The following PROB1 variants were observed in gnomAD, a reference collection of about 807,000 sequenced individuals.
PROB1 encodes proline rich basic protein 1.
For missense variants in PROB1, 1,453 were observed against 1,485.7 expected (o/e 0.98, Z 0.36); for synonymous variants, 660 against 699.3 (o/e 0.94, Z 0.89).
Position 139,392,639 on chromosome 5 carries a change from C to T in PROB1, c.2443G>A (p.Ala815Thr). 1 of 1,388,868 alleles carries T rather than the reference C, an allele frequency of 7.2e-7. No individual in the cohort carries two copies. Among genetic ancestry groups the T allele is most frequent in the Non-Finnish European group, 9.3e-7 (1 of 1,072,650 alleles). The allele number at this position is 1,388,868 out of a possible 1,614,324, so 86.0% of individuals were successfully genotyped here. A position where few individuals can be genotyped will look rare whatever the true frequency, so the allele number is the denominator to read the frequency against. ...QMQASPSPGI[A>T]PKPKTPPTAP... ...GTAGGTGGTGTCTTCGGTTTGGGTG[C>T]TATCCCAGGGCTCGGGCTGGCTTGC... Residue 815 changes from alanine to threonine, a missense_variant, in exon 1 of 1, where the codon GCA (alanine) becomes ACA (threonine). Transcript: ENST00000434752. The surrounding 1 kb of genome is among the most constrained non-coding windows in gnomAD (Gnocchi z 5.8).
At position 139,394,691 on chromosome 5, in the gene PROB1, C is replaced by A; in HGVS notation, c.391G>T (p.Ala131Ser). 1 of 1,533,892 alleles carries A rather than the reference C, an allele frequency of 6.5e-7. No individual in the cohort carries two copies. The highest frequency in any genetic ancestry group is 8.7e-7 in the Non-Finnish European group (1 of 1,145,142). ...GCCGGCTCCGTGAACTGTTGTTGCG[C>A]CTCGCGATCGTCTGCGCCGGAGCAG... Reference protein sequence around the residue: ...FGCSGADDREAQQQFTEPAFI... With the variant: ...FGCSGADDRESQQQFTEPAFI... Residue 131 changes from alanine (A) to serine (S), a missense_variant, in exon 1 of 1, where the codon GCG becomes TCG. Transcript: ENST00000434752.
Position 139,393,876 on chromosome 5 carries a change from C to T in PROB1, c.1206G>A (p.Gly402=), listed in dbSNP as rs1187025796. The change falls in exon 1 of 1, where the codon GGG becomes GGA. Residue 402 remains glycine (G), a synonymous_variant. Transcript: ENST00000434752. The stretch of plus-strand genomic sequence containing the variant: ...ACGGGCAGCGAGGACCCCGTACAGC[C>T]CCATTTGGAGTCTGCCGTGGCGGGG... ...SPSPPRQTPN[G]AVRGPRCPSP... The T allele has an allele frequency of 6.4e-7, 1 of 1,551,168 alleles. No individual in the cohort carries two copies. The highest frequency in any genetic ancestry group is 8.7e-7 in the Non-Finnish European group (1 of 1,147,002).
rs1372298077 is a variant in PROB1, at chr5:139,394,980, G to A, written c.102C>T (p.Tyr34=). 6.6e-6 allele frequency: 10 copies of A among 1,510,432 alleles called. No individual in the cohort carries two copies. Among genetic ancestry groups the A allele is most frequent in the Non-Finnish European group, 8.0e-6 (9 of 1,131,506 alleles). 93.6% of individuals were successfully genotyped at this position (1,510,432 alleles called of 1,614,324 possible). A position where few individuals can be genotyped will look rare whatever the true frequency, so the allele number is the denominator to read the frequency against. The change falls in exon 1 of 1, where the codon TAC becomes TAT. Residue 34 remains tyrosine (Y), a synonymous_variant. Coordinates refer to ENST00000434752, the MANE Select transcript of PROB1 (RefSeq NM_001161546.2). ...RQDSSGSSGS[Y]YTAPGSPEPP... ...GCTCCGGAGAACCTGGAGCCGTGTA[G>A]TAGGAGCCTGACGAACCGGAGGAGT...
In PROB1 at chr5:139,392,464, T is replaced by C. The variant is rs2152076483; in HGVS notation, c.2618A>G (p.Gln873Arg). 7.2e-7 allele frequency: 1 copy of C among 1,395,482 alleles called. No individual in the cohort carries two copies. The highest frequency in any genetic ancestry group is 3.0e-5 in the East Asian group (1 of 33,432). 86.4% of individuals were successfully genotyped at this position (1,395,482 alleles called of 1,614,324 possible). Residue 873 changes from glutamine (Q) to arginine (R), a missense_variant, in exon 1 of 1, where the codon CAG becomes CGG. By Grantham distance (43) the Gln-to-Arg change is conservative. Coordinates refer to ENST00000434752, the MANE Select transcript of PROB1 (RefSeq NM_001161546.2). This position sits in a 1 kb window ranked among gnomAD's most constrained non-coding sequence, Gnocchi z 5.8. ...PQSPSQGARR[Q>R]PGAAPLGKVL... ...CTTCCCCAGGGGCGCGGCCCCGGGCTGCCTGCGCGCTCCCTGGGAGGGGCT... is the reference window on the plus strand; with the variant it reads ...CTTCCCCAGGGGCGCGGCCCCGGGCCGCCTGCGCGCTCCCTGGGAGGGGCT...
Position 139,394,516 on chromosome 5 carries a change from A to G in PROB1, c.566T>C (p.Val189Ala). The G allele has an allele frequency of 1.4e-6, 2 of 1,453,102 alleles. No individual in the cohort carries two copies. The highest frequency in any genetic ancestry group is 2.7e-5 in the East Asian group (1 of 37,270). The allele number at this position is 1,453,102 out of a possible 1,614,324, so 90.0% of individuals were successfully genotyped here. A position where few individuals can be genotyped will look rare whatever the true frequency, so the allele number is the denominator to read the frequency against. Residue 189 changes from valine to alanine, a missense_variant, in exon 1 of 1, where the codon GTG becomes GCG. Val to Ala is a moderately conservative substitution (Grantham distance 64). Transcript: ENST00000434752. ...SPAAPAQFECVEVALEEGAAP... is the reference protein window; with the variant it reads ...SPAAPAQFECAEVALEEGAAP... ...GGCGCCCTCCTCCAGAGCCACCTCC[A>G]CACACTCGAACTGCGCTGGGGCGGC...
Position 139,393,582 on chromosome 5 carries a change from G to C in PROB1, c.1500C>G (p.Ala500=). The change falls in exon 1 of 1, where the codon GCC becomes GCG. Residue 500 remains alanine (A), a synonymous_variant. Transcript: ENST00000434752. ...VEPRSSPSPP[A]FFPWEAPDRP... ...GATCTGGAGCCTCCCACGGGAAGAA[G>C]GCCGGCGGGGACGGGCTGCTACGTG... 1 of 1,550,992 alleles carries C rather than the reference G, an allele frequency of 6.4e-7. No individual in the cohort carries two copies. Among genetic ancestry groups the C allele is most frequent in the Non-Finnish European group, 8.7e-7 (1 of 1,146,926 alleles).
rs950894759 is a variant in PROB1, at chr5:139,394,709, C to G, written c.373G>C (p.Gly125Arg). The G allele has an allele frequency of 2.6e-6, 4 of 1,532,828 alleles. No individual in the cohort carries two copies. Among genetic ancestry groups the G allele is most frequent in the Non-Finnish European group, 3.5e-6 (4 of 1,144,528 alleles). The allele number at this position is 1,532,828 out of a possible 1,614,324, so 95.0% of individuals were successfully genotyped here. Residue 125 changes from glycine (G) to arginine (R), a missense_variant, in exon 1 of 1, where the codon GGC (glycine) becomes CGC (arginine). Physicochemically the swap from Gly to Arg is moderately radical, Grantham distance 125. Transcript: ENST00000434752. ...FGVGPLFGCS[G>R]ADDREAQQQF... ...TGTTGCGCCTCGCGATCGTCTGCGC[C>G]GGAGCAGCCGAACAGGGGTCCGACG...
chr5:139,395,018 C>T lies in PROB1; in HGVS notation c.64G>A (p.Ala22Thr). 6.9e-7 allele frequency: 1 copy of T among 1,457,414 alleles called. No individual in the cohort carries two copies. Among genetic ancestry groups the T allele is most frequent in the Non-Finnish European group, 9.0e-7 (1 of 1,106,112 alleles). 90.3% of individuals were successfully genotyped at this position (1,457,414 alleles called of 1,614,324 possible). A position where few individuals can be genotyped will look rare whatever the true frequency, so the allele number is the denominator to read the frequency against. Residue 22 changes from alanine to threonine, a missense_variant, in exon 1 of 1, where the codon GCG becomes ACG. Physicochemically the swap from Ala to Thr is moderately conservative, Grantham distance 58. Transcript: ENST00000434752. Reference protein sequence around the residue: ...GIPRQLPTAPARRQDSSGSSG... With the variant: ...GIPRQLPTAPTRRQDSSGSSG... Reference sequence around the variant, plus strand: ...GAACCGGAGGAGTCCTGGCGCCGCGCGGGGGCCGTGGGCAGCTGCCTCGGG... The same window carrying T: ...GAACCGGAGGAGTCCTGGCGCCGCGTGGGGGCCGTGGGCAGCTGCCTCGGG...
Position 139,391,855 on chromosome 5 carries a change from G to T in PROB1, c.*179C>A. On this transcript the variant is annotated 3_prime_UTR_variant, in exon 1 of 1. Transcript: ENST00000434752. This position sits in a 1 kb window ranked among gnomAD's most constrained non-coding sequence, Gnocchi z 4.8. Reference sequence around the variant, plus strand: ...GGAAGTAGGCAGCCACTTCCTGGGTGACTCCAGCTCCACCAGCCTCGGGGC... The same window carrying T: ...GGAAGTAGGCAGCCACTTCCTGGGTTACTCCAGCTCCACCAGCCTCGGGGC... The T allele has an allele frequency of 2.1e-6, 1 of 484,848 alleles. No homozygotes were observed. The highest frequency in any genetic ancestry group is 3.3e-6 in the Non-Finnish European group (1 of 300,870). 30.0% of individuals were successfully genotyped at this position (484,848 alleles called of 1,614,324 possible).
Position 139,394,331 on chromosome 5 carries a change from C to G in PROB1, c.751G>C (p.Val251Leu), listed in dbSNP as rs888168527. The G allele has an allele frequency of 2.8e-6, 4 of 1,452,978 alleles. No homozygotes were observed. Among genetic ancestry groups the G allele is most frequent in the Non-Finnish European group, 3.6e-6 (4 of 1,106,700 alleles). 90.0% of individuals were successfully genotyped at this position (1,452,978 alleles called of 1,614,324 possible). ...LGPLQAAAGF[V>L]QTALARKLSP... ...AGTTTTCTGGCCAACGCCGTCTGCACGAAGCCCGCGGCGGCCTGCAGGGGG... is the reference window on the plus strand; with the variant it reads ...AGTTTTCTGGCCAACGCCGTCTGCAGGAAGCCCGCGGCGGCCTGCAGGGGG... Residue 251 changes from valine to leucine, a missense_variant, in exon 1 of 1, where the codon GTG (valine) becomes CTG (leucine). Val to Leu is a conservative substitution (Grantham distance 32). Coordinates refer to ENST00000434752, the MANE Select transcript of PROB1 (RefSeq NM_001161546.2).
At position 139,393,285 on chromosome 5, in the gene PROB1, G is replaced by A. The variant is rs1425333684; in HGVS notation, c.1797C>T (p.Asp599=). 2.0e-5 allele frequency: 31 copies of A among 1,550,042 alleles called. No homozygotes were observed. The highest frequency in any genetic ancestry group is 2.4e-5 in the Non-Finnish European group (27 of 1,146,992). ...PPGSHPVGTL[D]ADKCPEVLGP... ...CCAAGACTTCCGGGCACTTATCCGC[G>A]TCCAGGGTGCCCACAGGGTGGCTGC... is the stretch of plus-strand genomic sequence containing the variant. The change falls in exon 1 of 1, where the codon GAC becomes GAT. Residue 599 remains aspartate (D), a synonymous_variant. Coordinates refer to ENST00000434752, the MANE Select transcript of PROB1 (RefSeq NM_001161546.2).
rs533753537 is a variant in PROB1, at chr5:139,391,330, G to C, written c.*704C>G. The C allele has an allele frequency of 1.3e-3, 197 of 152,360 alleles. No individual in the cohort carries two copies. Among genetic ancestry groups the C allele is most frequent in the Non-Finnish European group, 2.0e-3 (133 of 68,092 alleles). 9.4% of individuals were successfully genotyped at this position (152,360 alleles called of 1,614,324 possible). On this transcript the variant is annotated 3_prime_UTR_variant, in exon 1 of 1. Transcript: ENST00000434752. The surrounding 1 kb of genome is among the most constrained non-coding windows in gnomAD (Gnocchi z 4.8). The stretch of plus-strand genomic sequence containing the variant: ...CCTGGCCCAAAAATGAGTCAGCTCA[G>C]CTCTGAGGGCCAGGCTCCCCATCTT...
rs1376483323 is a variant in PROB1 at position 139,393,260 on chromosome 5, C to T, written c.1822G>A (p.Gly608Ser). ...LDADKCPEVLGPGEAASGRPR... is the reference protein window; with the variant it reads ...LDADKCPEVLSPGEAASGRPR... ...CGTCCCGAGGCCGCCTCTCCAGGACCCAAGACTTCCGGGCACTTATCCGCG... is the reference window on the plus strand; with the variant it reads ...CGTCCCGAGGCCGCCTCTCCAGGACTCAAGACTTCCGGGCACTTATCCGCG... The change falls in exon 1 of 1, where the codon GGT (glycine) becomes AGT (serine). Residue 608 changes from glycine (G) to serine (S), a missense_variant. Physicochemically the swap from Gly to Ser is moderately conservative, Grantham distance 56 (BLOSUM62 0). Transcript: ENST00000434752. The T allele has an allele frequency of 6.5e-7, 1 of 1,549,598 alleles. No homozygotes were observed. Among genetic ancestry groups the T allele is most frequent in the Admixed American group, 2.0e-5 (1 of 51,008 alleles).
chr5:139,395,052 C>A lies in PROB1; in HGVS notation c.30G>T (p.Leu10=), dbSNP rs2152077236. 1.4e-6 allele frequency: 2 copies of A among 1,419,914 alleles called. No individual in the cohort carries two copies. The highest frequency in any genetic ancestry group is 5.9e-5 in the East Asian group (2 of 34,104). 88.0% of individuals were successfully genotyped at this position (1,419,914 alleles called of 1,614,324 possible). MLTALAPPA[L]PGIPRQLPTA... is the part of the protein sequence containing the mutation. ...TGGGCAGCTGCCTCGGGATCCCAGG[C>A]AGGGCTGGCGGGGCGAGCGCGGTCA... Residue 10 remains leucine, a synonymous_variant, in exon 1 of 1, where the codon CTG becomes CTT. Transcript: ENST00000434752.
rs920381672 is a variant in PROB1 at position 139,393,174 on chromosome 5, C to T, written c.1908G>A (p.Ala636=). 5.8e-6 allele frequency: 9 copies of T among 1,548,566 alleles called. No homozygotes were observed. In the African/African-American group the frequency reaches 1.1e-4, roughly 19 times the overall value. ...CTTGTGCTCCTGCCGGGAAGCCTGGCGCGTACGTGGTCTTCACCAACTTGC... is the reference window on the plus strand; with the variant it reads ...CTTGTGCTCCTGCCGGGAAGCCTGGTGCGTACGTGGTCTTCACCAACTTGC... ...DVRKLVKTTY[A]PGFPAGAQGS... The change falls in exon 1 of 1, where the codon GCG becomes GCA. Residue 636 remains alanine (A), a synonymous_variant. Coordinates refer to ENST00000434752, the MANE Select transcript of PROB1 (RefSeq NM_001161546.2).
Position 139,394,421 on chromosome 5 carries a change from T to G in PROB1, c.661A>C (p.Arg221=), listed in dbSNP as rs985513181. ...CGGGGGCGCGGCGCGCCGGCCGCCC[T>G]TGGGGGACTCTGGGGCCGGGGGCGC... ...ELRPRPQSPP[R]AAGAPRPRLL... The change falls in exon 1 of 1, where the codon AGG becomes CGG. Residue 221 remains arginine, a synonymous_variant. Transcript: ENST00000434752. 1 of 1,394,532 alleles carries G rather than the reference T, an allele frequency of 7.2e-7. No homozygotes were observed. The highest frequency in any genetic ancestry group is 1.5e-5 in the African/African-American group (1 of 64,916). 86.4% of individuals were successfully genotyped at this position (1,394,532 alleles called of 1,614,324 possible).
In PROB1 at chr5:139,393,578, A is replaced by G; in HGVS notation, c.1504T>C (p.Phe502Leu). 1.9e-6 allele frequency: 3 copies of G among 1,551,012 alleles called. No homozygotes were observed. The highest frequency in any genetic ancestry group is 2.6e-6 in the Non-Finnish European group (3 of 1,146,904). ...GGACGATCTGGAGCCTCCCACGGGA[A>G]GAAGGCCGGCGGGGACGGGCTGCTA... ...PRSSPSPPAF[F>L]PWEAPDRPIG... The change falls in exon 1 of 1, where the codon TTC (phenylalanine) becomes CTC (leucine). Residue 502 changes from phenylalanine (F) to leucine (L), a missense_variant. Phe to Leu is a conservative substitution (Grantham distance 22). Coordinates refer to ENST00000434752, the MANE Select transcript of PROB1 (RefSeq NM_001161546.2).
At position 139,393,931 on chromosome 5, in the gene PROB1, G is replaced by C. The variant is rs1758644349; in HGVS notation, c.1151C>G (p.Pro384Arg). Residue 384 changes from proline to arginine, a missense_variant, in exon 1 of 1, where the codon CCG (proline) becomes CGG (arginine). Coordinates refer to ENST00000434752, the MANE Select transcript of PROB1 (RefSeq NM_001161546.2). ...GCTCCTTGGCCTCACAGCCCTACTC[G>C]GAACCTCCGAGGGGATCCTACACTC... ...PFECRIPSEV[P>R]SRAVRPRSPS... 1.3e-6 allele frequency: 2 copies of C among 1,550,910 alleles called. No homozygotes were observed. The highest frequency in any genetic ancestry group is 1.7e-6 in the Non-Finnish European group (2 of 1,146,980).
In PROB1 at chr5:139,395,010, G is replaced by T; in HGVS notation, c.72C>A (p.Arg24=). 1 of 1,473,316 alleles carries T rather than the reference G, an allele frequency of 6.8e-7. No homozygotes were observed. The highest frequency in any genetic ancestry group is 9.0e-7 in the Non-Finnish European group (1 of 1,113,834). The allele number at this position is 1,473,316 out of a possible 1,614,324, so 91.3% of individuals were successfully genotyped here. The change falls in exon 1 of 1, where the codon CGC becomes CGA. Residue 24 remains arginine, a synonymous_variant. Coordinates refer to ENST00000434752, the MANE Select transcript of PROB1 (RefSeq NM_001161546.2). ...AGCCTGACGAACCGGAGGAGTCCTG[G>T]CGCCGCGCGGGGGCCGTGGGCAGCT... ...PRQLPTAPAR[R]QDSSGSSGSY... is the part of the protein sequence containing the mutation.
Sources: allele counts gnomAD v4.1 joint callset, GRCh38; gene constraint gnomAD v4.1.1; non-coding constraint Gnocchi (gnomAD v3.1); transcripts MANE v1.5; gene names NCBI Gene and HGNC (gene_info 2026-07-23, HGNC 2026-07-21).